TRAPPC14: variants seen among roughly 807,000 people sequenced by gnomAD.
The protein encoded by TRAPPC14 is microtubule associated protein 11.
In TRAPPC14, 24 loss-of-function variants were observed where a neutral mutation model predicts 56.6. The observed-to-expected ratio is 0.42, with a 90% CI of 0.31 to 0.60. The LOEUF (loss-of-function observed/expected upper bound fraction) is 0.60. Ranked by LOEUF, TRAPPC14 falls within the 20% of genes least tolerant of loss-of-function variation. The pLI is 0.14. For synonymous variants in TRAPPC14, 377 were observed against 347.0 expected (o/e 1.09, Z -0.96); for missense variants, 615 against 790.3 (o/e 0.78, Z 2.66).
chr7:100,157,255 C>G, intron 4 of TRAPPC14, 41 bp from the exon 5 acceptor site: 2 of 1,613,834 alleles, frequency 1.2e-6, no homozygotes, highest in Non-Finnish European at 1.7e-6. Flanking sequence ...AGCTGGACCC[C>G]TCAGGCCCCA....
Position 100,156,983 on chromosome 7 carries a change from A to G in TRAPPC14, c.855T>C (p.Ser285=), listed in dbSNP as rs766968564. Residue 285 remains serine, a synonymous_variant, in exon 6 of 11, where the codon TCT becomes TCC. Transcript: ENST00000316937. The part of the protein sequence containing the change: ...VLLVDNVCHQ[S]GEVSMGSFCR... ...AGAAGGAGCCCATGGAGACTTCCCCAGACTGGTGACTAGCTCAGAAAAGAG... is the reference window on the plus strand; with the variant it reads ...AGAAGGAGCCCATGGAGACTTCCCCGGACTGGTGACTAGCTCAGAAAAGAG... 6.2e-7 allele frequency: 1 copy of G among 1,614,054 alleles called. No homozygotes were observed. The highest frequency in any genetic ancestry group is 2.2e-5 in the East Asian group (1 of 44,878).
chr7:100,157,353 G>A lies in TRAPPC14; in HGVS notation c.724+20C>T. 7 of 1,613,648 alleles carry A rather than the reference G, an allele frequency of 4.3e-6. No homozygotes were observed. The highest frequency in any genetic ancestry group is 5.9e-6 in the Non-Finnish European group (7 of 1,179,644). ...GTTCCCTTGTTGCTCCCGGAGGCTG[G>A]AGCCGGCAGCCCTGCTTACCCTTGA... On this transcript the variant is annotated intron_variant, in intron 4 of 10. Coordinates refer to ENST00000316937, the MANE Select transcript of TRAPPC14 (RefSeq NM_018275.5).
At position 100,155,788 on chromosome 7, in the gene TRAPPC14, C is replaced by T. The variant is rs748358877; in HGVS notation, c.1278G>A (p.Gln426=). The change falls in exon 9 of 11, where the codon CAG becomes CAA. Residue 426 remains glutamine (Q), a synonymous_variant. Coordinates refer to ENST00000316937, the MANE Select transcript of TRAPPC14 (RefSeq NM_018275.5). ...QLCEEERRAM[Q]AALDSVVCHT... The stretch of plus-strand genomic sequence containing the variant: ...GGCAGACGACGGAGTCCAGGGCAGC[C>T]TGCATGGCCCGGCGCTCCTCCTCAC... 73 of 1,614,104 alleles carry T rather than the reference C, an allele frequency of 4.5e-5. No homozygotes were observed. Among genetic ancestry groups the T allele is most frequent in the Non-Finnish European group, 5.8e-5 (68 of 1,180,040 alleles).
At chr7:100,155,580 T>C in intron 9 of TRAPPC14, 91 bp downstream of exon 9, 5 of 1,513,698 alleles carry the variant, frequency 3.3e-6, no homozygotes, top group Non-Finnish European at 4.4e-6. Flanking sequence ...GCCCAGCTTT[T>C]TATTTCATCC....
Position 100,157,226 on chromosome 7 carries a change from G to A in TRAPPC14, c.725-12C>T, listed in dbSNP as rs1798900185. ...GGAGCTGTTCAGCACTGTGGGAGAG[G>A]ACCAGCTTGGCTCAGAATAGCTGGA... is the stretch of plus-strand genomic sequence containing the variant. On this transcript the variant is annotated splice_polypyrimidine_tract_variant and intron_variant, in intron 4 of 10. Coordinates refer to ENST00000316937, the MANE Select transcript of TRAPPC14 (RefSeq NM_018275.5). 1.2e-6 allele frequency: 2 copies of A among 1,613,946 alleles called. No homozygotes were observed. The highest frequency in any genetic ancestry group is 1.7e-5 in the Admixed American group (1 of 59,998).
Position 100,156,635 on chromosome 7 carries a change from G to A in TRAPPC14, c.1075C>T (p.Arg359Cys), listed in dbSNP as rs768878270. ...GATTCCTCCAGGATCCACACTCACC[G>A]GTAGTGGGTGTAGATGCTCTGAGTG... is the stretch of plus-strand genomic sequence containing the variant. Reference protein sequence around the residue: ...PFTQSIYTHYRLPSVRLDRPC... With the variant: ...PFTQSIYTHYCLPSVRLDRPC... Residue 359 changes from arginine (R) to cysteine (C), a missense_variant and splice_region_variant, in exon 7 of 11, where the codon CGC (arginine) becomes TGC (cysteine). Arg to Cys is a radical substitution (Grantham distance 180, BLOSUM62 -3). Coordinates refer to ENST00000316937, the MANE Select transcript of TRAPPC14 (RefSeq NM_018275.5). The A allele has an allele frequency of 5.0e-6, 8 of 1,611,700 alleles. No homozygotes were observed. The highest frequency in any genetic ancestry group is 2.2e-5 in the South Asian group (2 of 90,780).
chr7:100,158,338 G>T lies in TRAPPC14; in HGVS notation c.162C>A (p.Gly54=). The change falls in exon 1 of 11, where the codon GGC becomes GGA. Residue 54 remains glycine, a synonymous_variant. Transcript: ENST00000316937. ...VRFLLVLRCR[G]GAGSGTGGGP... is the part of the protein sequence containing the mutation. The stretch of plus-strand genomic sequence containing the variant: ...CGCCCCCGGTGCCGGACCCCGCACC[G>T]CCCCGGCAGCGCAACACCAGCAGAA... 4 of 1,467,140 alleles carry T rather than the reference G, an allele frequency of 2.7e-6. No homozygotes were observed. Among genetic ancestry groups the T allele is most frequent in the Non-Finnish European group, 2.7e-6 (3 of 1,113,538 alleles). The allele number at this position is 1,467,140 out of a possible 1,614,324, so 90.9% of individuals were successfully genotyped here.
Position 100,158,308 on chromosome 7 carries a change from C to T in TRAPPC14, c.192G>A (p.Pro64=). 1 of 1,465,328 alleles carries T rather than the reference C, an allele frequency of 6.8e-7. No individual in the cohort carries two copies. Among genetic ancestry groups the T allele is most frequent in the Non-Finnish European group, 9.0e-7 (1 of 1,114,384 alleles). 90.8% of individuals were successfully genotyped at this position (1,465,328 alleles called of 1,614,324 possible). Residue 64 remains proline, a synonymous_variant, in exon 1 of 11, where the codon CCG becomes CCA. Transcript: ENST00000316937. ...CCCAGGCTCCTCTGGAGCCCAAGCCCGGGCCGCCCCCGGTGCCGGACCCCG... is the reference window on the plus strand; with the variant it reads ...CCCAGGCTCCTCTGGAGCCCAAGCCTGGGCCGCCCCCGGTGCCGGACCCCG... ...GGAGSGTGGG[P]GLGSRGAWAE...
At chr7:100,157,494 T>A (rs1420022884) in intron 3 of TRAPPC14, 35 bp from the exon 4 acceptor site, 1 of 1,605,176 alleles carries the variant, frequency 6.2e-7, no homozygotes, top group Admixed American at 1.7e-5. Context: ...AGTGATGGTC[T>A]GGAGGCTGAC....
At position 100,157,020 on chromosome 7, in the gene TRAPPC14, G is replaced by C. The variant is rs114824692; in HGVS notation, c.846-28C>G. ...AGCTCAGAAAAGAGGACAAGGCATG[G>C]TCTCCCCATGCCAGAGCTCAGCCCC... On this transcript the variant is annotated intron_variant, in intron 5 of 10. Coordinates refer to ENST00000316937, the MANE Select transcript of TRAPPC14 (RefSeq NM_018275.5). The C allele has an allele frequency of 3.7e-4, 604 of 1,613,978 alleles. 3 individuals carry two copies. The African/African-American group carries it at 7.2e-3, about 19-fold the overall frequency.
In TRAPPC14 at chr7:100,157,361, A is replaced by T. The variant is rs755275425; in HGVS notation, c.724+12T>A. ...GTTGCTCCCGGAGGCTGGAGCCGGC[A>T]GCCCTGCTTACCCTTGAGCACGGTC... is the stretch of plus-strand genomic sequence containing the variant. On this transcript the variant is annotated intron_variant, in intron 4 of 10. Transcript: ENST00000316937. 1 of 1,613,966 alleles carries T rather than the reference A, an allele frequency of 6.2e-7. No individual in the cohort carries two copies. Among genetic ancestry groups the T allele is most frequent in the Admixed American group, 1.7e-5 (1 of 60,022 alleles).
rs199882326 is a variant in TRAPPC14, at chr7:100,156,970, T to C, written c.868A>G (p.Met290Val). The change falls in exon 6 of 11, where the codon ATG (methionine) becomes GTG (valine). Residue 290 changes from methionine (M) to valine (V), a missense_variant. Physicochemically the swap from Met to Val is conservative, Grantham distance 21. Coordinates refer to ENST00000316937, the MANE Select transcript of TRAPPC14 (RefSeq NM_018275.5). ...CCGGGTAGGCGGCAGAAGGAGCCCA[T>C]GGAGACTTCCCCAGACTGGTGACTA... ...NVCHQSGEVS[M>V]GSFCRLPGTS... 9 of 1,613,804 alleles carry C rather than the reference T, an allele frequency of 5.6e-6. No individual in the cohort carries two copies. The highest frequency in any genetic ancestry group is 6.8e-6 in the Non-Finnish European group (8 of 1,179,980).
Position 100,156,981 on chromosome 7 carries a change from C to A in TRAPPC14, c.857G>T (p.Gly286Val), listed in dbSNP as rs754627688. ...LLVDNVCHQSGEVSMGSFCRL... is the reference protein window; with the variant it reads ...LLVDNVCHQSVEVSMGSFCRL... ...GCAGAAGGAGCCCATGGAGACTTCC[C>A]CAGACTGGTGACTAGCTCAGAAAAG... The change falls in exon 6 of 11, where the codon GGG becomes GTG. Residue 286 changes from glycine to valine, a missense_variant. Gly to Val is a moderately radical substitution (Grantham distance 109, BLOSUM62 -3). Coordinates refer to ENST00000316937, the MANE Select transcript of TRAPPC14 (RefSeq NM_018275.5). The A allele has an allele frequency of 6.2e-7, 1 of 1,614,000 alleles. No individual in the cohort carries two copies. The highest frequency in any genetic ancestry group is 8.5e-7 in the Non-Finnish European group (1 of 1,179,984).
In TRAPPC14 at chr7:100,155,665, G is replaced by A. The variant is rs749237705; in HGVS notation, c.1395+6C>T. On this transcript the variant is annotated splice_donor_region_variant and intron_variant, in intron 9 of 10. Transcript: ENST00000316937. The stretch of plus-strand genomic sequence containing the variant: ...CAGCACTCAGCCCAGACCCTCCCCA[G>A]CCCACCTCGAAGAGCCCCGTCCTCA... 35 of 1,595,288 alleles carry A rather than the reference G, an allele frequency of 2.2e-5. No homozygotes were observed. The South Asian group carries it at 4.0e-4, about 18-fold the overall frequency.
At position 100,155,832 on chromosome 7, in the gene TRAPPC14, G is replaced by T; in HGVS notation, c.1241-7C>A. On this transcript the variant is annotated splice_polypyrimidine_tract_variant and splice_region_variant and intron_variant, in intron 8 of 10. Coordinates refer to ENST00000316937, the MANE Select transcript of TRAPPC14 (RefSeq NM_018275.5). ...TCCTCACACAGCTGCTTTCCTGGGG[G>T]CAGAAACAGGGACCAGCAAACACTA... The T allele has an allele frequency of 1.9e-6, 3 of 1,614,182 alleles. No individual in the cohort carries two copies. The highest frequency in any genetic ancestry group is 2.5e-6 in the Non-Finnish European group (3 of 1,180,032).
Position 100,157,426 on chromosome 7 carries a change from A to G in TRAPPC14, c.671T>C (p.Val224Ala). ...CACAGTGAACTGCCGGCATCTCAGA[A>G]CCGGAGGGGGCAGCAGAGTCAGCAG... ...STLLTLLPPP[V>A]LRCRQFTVAG... The change falls in exon 4 of 11, where the codon GTT becomes GCT. Residue 224 changes from valine to alanine, a missense_variant. Coordinates refer to ENST00000316937, the MANE Select transcript of TRAPPC14 (RefSeq NM_018275.5). 2 of 1,613,784 alleles carry G rather than the reference A, an allele frequency of 1.2e-6. No individual in the cohort carries two copies. Among genetic ancestry groups the G allele is most frequent in the African/African-American group, 1.3e-5 (1 of 75,030 alleles).
In TRAPPC14 at chr7:100,155,105, C is replaced by T; in HGVS notation, c.1649G>A (p.Arg550His). 4 of 1,613,158 alleles carry T rather than the reference C, an allele frequency of 2.5e-6. No homozygotes were observed. Among genetic ancestry groups the T allele is most frequent in the Non-Finnish European group, 2.5e-6 (3 of 1,179,238 alleles). ...CTTGTCCGGGGGCAGGTAGAGGGGG[C>T]GGCCAACAGGAGAGGCCACAGGGGG... ...ITPPVASPVGRPLYLPPDKAV... is the reference protein window; with the variant it reads ...ITPPVASPVGHPLYLPPDKAV... Residue 550 changes from arginine (R) to histidine (H), a missense_variant, in exon 11 of 11, where the codon CGC (arginine) becomes CAC (histidine). Coordinates refer to ENST00000316937, the MANE Select transcript of TRAPPC14 (RefSeq NM_018275.5).
intron 9 of TRAPPC14, 54 bp from the exon 10 acceptor site, chr7:100,155,509 C>T (rs1442350292): frequency 2.0e-6 from 3 of 1,515,242 alleles, no homozygotes; most frequent in African/African-American, 2.8e-5. Flanking sequence ...CCCAGGCCTC[C>T]TTCCAAATGG....
At chr7:100,156,289 G>A (rs985977607) in intron 8 of TRAPPC14, 97 bp downstream of exon 8, 13 of 1,304,400 alleles carry the variant, frequency 1.0e-5, no homozygotes, top group African/African-American at 7.3e-5. Flanking sequence ...GATGGGGCTG[G>A]CACCAAATTT....
Sources: allele counts gnomAD v4.1 joint callset, GRCh38; gene constraint gnomAD v4.1.1; transcripts MANE v1.5; gene names NCBI Gene and HGNC (gene_info 2026-07-23, HGNC 2026-07-21).